PEAK1: variants seen among roughly 807,000 people sequenced by gnomAD.
PEAK1 encodes the protein pseudopodium enriched atypical kinase 1.
Under a neutral mutation model 124.7 loss-of-function variants are expected in PEAK1, and 54 were observed. The ratio of observed to expected loss-of-function variants is 0.43; its 90% CI spans 0.35 to 0.54. PEAK1 has a LOEUF of 0.54. Ranked by LOEUF, PEAK1 falls within the 20% of genes least tolerant of loss-of-function variation. PEAK1 has a pLI of 0.01. For synonymous variants in PEAK1, 719 were observed against 760.0 expected (o/e 0.95, Z 0.89); for missense variants, 2,046 against 2,134.5 (o/e 0.96, Z 0.82).
chr15:77,307,975 T>A (rs1183687803), intron 2 of PEAK1, among the ~76,000 whole-genome samples: 1 of 152,090 alleles, frequency 6.6e-6, no homozygotes, highest in Non-Finnish European at 1.5e-5. Context: ...CTGAGGATAC[T>A]TTTGTCCTTT....
intron 1 of PEAK1, chr15:77,418,141 T>C: frequency 3.0e-6 from 3 of 983,898 alleles, no homozygotes; most frequent in Non-Finnish European, 3.6e-6. Context: ...AGTTTCTGTA[T>C]ACTATCAACT....
intron 2 of PEAK1, chr15:77,334,455 C>T (rs1299939292): frequency 1.1e-5 from 11 of 985,082 alleles, no homozygotes; most frequent in Middle Eastern, 1.0e-3. Context: ...TCCTTGTTTC[C>T]GAGAAGTAGA....
At chr15:77,418,325 C>T (rs2073056998) in intron 1 of PEAK1, 8 of 985,208 alleles carry the variant, frequency 8.1e-6, no homozygotes, top group Non-Finnish European at 9.6e-6. Context: ...ATTAAAAAGC[C>T]TTAAAGAAAA....
intron 2 of PEAK1, chr15:77,334,853 T>C (rs1329542022): frequency 1.0e-6 from 1 of 985,348 alleles, no homozygotes; most frequent in Non-Finnish European, 1.2e-6. Context: ...ATTTGGCAAC[T>C]GTATTTTCAT....
At chr15:77,196,187 C>G (rs1040424033) in intron 6 of PEAK1, among the ~76,000 whole-genome samples, 1 of 152,220 alleles carries the variant, frequency 6.6e-6, no homozygotes, top group African/African-American at 2.4e-5. Context: ...CTCAATTTGT[C>G]TGTCAGCCGG....
At chr15:77,143,887 G>A (rs2053979786) in intron 8 of PEAK1, among the ~76,000 whole-genome samples, 2 of 152,222 alleles carry the variant, frequency 1.3e-5, no homozygotes, top group Admixed American at 6.5e-5. Context: ...TGGGCTGAGA[G>A]CAGAATGGAA....
At chr15:77,139,101 C>T (rs973705219) in intron 8 of PEAK1, among the ~76,000 whole-genome samples, 1 of 151,950 alleles carries the variant, frequency 6.6e-6, no homozygotes, top group South Asian at 2.1e-4. Context: ...TGACTGGTGT[C>T]CTTATAAGAA....
intron 5 of PEAK1, among the ~76,000 whole-genome samples, chr15:77,260,754 A>G (rs910052153): frequency 1.3e-5 from 2 of 152,048 alleles, no homozygotes; most frequent in African/African-American, 4.8e-5. Flanking sequence ...TGCATTTCCA[A>G]CTGAGCTTTG....
chr15:77,207,175 C>T (rs982949438), intron 6 of PEAK1, among the ~76,000 whole-genome samples: 1 of 151,946 alleles, frequency 6.6e-6, no homozygotes, highest in Admixed American at 6.6e-5. Context: ...GAAGAAAACC[C>T]AGGCATTACC....
intron 1 of PEAK1, among the ~76,000 whole-genome samples, chr15:77,382,750 C>T (rs376317082): frequency 1.3e-5 from 2 of 151,920 alleles, no homozygotes; most frequent in South Asian, 2.1e-4. Flanking sequence ...TTCCTATTAA[C>T]TTGACAGTTT....
chr15:77,381,704 A>G (rs1484322597), intron 1 of PEAK1, among the ~76,000 whole-genome samples: 1 of 152,214 alleles, frequency 6.6e-6, no homozygotes, highest in African/African-American at 2.4e-5. Context: ...CAATTTCAGA[A>G]GTACTCATTT....
intron 2 of PEAK1, chr15:77,336,475 C>T (rs527364145): frequency 5.7e-4 from 563 of 985,304 alleles, no homozygotes; most frequent in Non-Finnish European, 6.4e-4. Context: ...ATAATTTGGC[C>T]GTTTGCTAAT....
In PEAK1 at chr15:77,111,492, A is replaced by G. The variant is rs896322983; in HGVS notation, c.*2664T>C. ...ATCTCACATTCTTTGGCCATCACCC[A>G]GAGAAAAATTAATCTAGCCACCTGT... On this transcript the variant is annotated 3_prime_UTR_variant, in exon 10 of 10. Transcript: ENST00000682557. 30 of 152,228 alleles carry G rather than the reference A, an allele frequency of 2.0e-4. 1 individual carries two copies. The highest frequency in any genetic ancestry group is 7.2e-4 in the African/African-American group (30 of 41,462). The allele number at this position is 152,228 out of a possible 1,614,324, so 9.4% of individuals were successfully genotyped here.
At chr15:77,392,191 G>T (rs1451487406) in intron 1 of PEAK1, among the ~76,000 whole-genome samples, 1 of 152,124 alleles carries the variant, frequency 6.6e-6, no homozygotes, top group Non-Finnish European at 1.5e-5. Context: ...TCGCAAAACT[G>T]AACTAAAAAT....
At chr15:77,150,584 C>T (rs2054527479) in intron 8 of PEAK1, among the ~76,000 whole-genome samples, 1 of 151,846 alleles carries the variant, frequency 6.6e-6, no homozygotes. Flanking sequence ...CATATGTATA[C>T]ATGTGCCATG....
chr15:77,114,188 T>C lies in PEAK1; in HGVS notation c.5209A>G (p.Ser1737Gly). The change falls in exon 10 of 10, where the codon AGT becomes GGT. Residue 1737 changes from serine to glycine, a missense_variant. Physicochemically the swap from Ser to Gly is moderately conservative, Grantham distance 56. Transcript: ENST00000682557. ...YLAFATTDSLSCIVKILQHR is the reference protein window; with the variant it reads ...YLAFATTDSLGCIVKILQHR ...TGCTGCAGAATTTTCACAATACAAC[T>C]GAGGGAGTCTGTAGTGGCAAAAGCC... The C allele has an allele frequency of 6.2e-7, 1 of 1,614,164 alleles. No homozygotes were observed.
chr15:77,180,362 T>C lies in PEAK1; in HGVS notation c.1565A>G (p.His522Arg). The change falls in exon 7 of 10, where the codon CAT becomes CGT. Residue 522 changes from histidine to arginine, a missense_variant. His to Arg is a conservative substitution (Grantham distance 29). Transcript: ENST00000682557. ...SSLTPGQISA[H>R]FQKSSAIRYQ... ...TCGAATTGCACTGGATTTTTGGAAA[T>C]GGGCACTTATTTGTCCTGGTGTCAA... The C allele has an allele frequency of 2.5e-6, 4 of 1,614,104 alleles. No individual in the cohort carries two copies. Among genetic ancestry groups the C allele is most frequent in the Non-Finnish European group, 3.4e-6 (4 of 1,180,000 alleles).
intron 5 of PEAK1, among the ~76,000 whole-genome samples, chr15:77,276,225 C>G (rs2062317364): frequency 6.6e-6 from 1 of 152,112 alleles, no homozygotes; most frequent in Admixed American, 6.6e-5. Context: ...ACAAAACCTA[C>G]AGATTCAAGA....
intron 7 of PEAK1, among the ~76,000 whole-genome samples, chr15:77,170,501 T>C (rs527629529): frequency 6.6e-6 from 1 of 152,262 alleles, no homozygotes; most frequent in South Asian, 2.1e-4. Context: ...TAGGGCCTTC[T>C]TCAGTGTGGG....
Sources: allele counts gnomAD v4.1 joint callset (sites outside exome capture counted in the v4.1 genomes callset), GRCh38; gene constraint gnomAD v4.1.1; transcripts MANE v1.5; gene names NCBI Gene and HGNC (gene_info 2026-07-23, HGNC 2026-07-21).